The following ELOVL7 variants were observed in gnomAD, a reference collection of about 807,000 sequenced individuals.
ELOVL7 encodes the protein ELOVL fatty acid elongase 7.
ELOVL7 carries 27 observed loss-of-function variants against 35.7 expected under a neutral mutation model. That is an observed-to-expected ratio of 0.76 (90% CI 0.56 to 1.04). The LOEUF is 1.04. Among genes scored for constraint, ELOVL7 ranks in the 50% least tolerant of loss-of-function variants. The pLI is 0.00. For synonymous variants in ELOVL7, 113 were observed against 114.6 expected (o/e 0.99, Z 0.09); for missense variants, 327 against 340.8 (o/e 0.96, Z 0.32).
intron 3 of ELOVL7, chr5:60,786,062 G>A (rs946221763): frequency 6.6e-6 from 1 of 152,152 alleles, no homozygotes; most frequent in South Asian, 2.1e-4. Flanking sequence ...CTAAAGTAGT[G>A]ATGGTGGTGA....
intron 4 of ELOVL7, chr5:60,768,584 A>G (rs897099980): frequency 2.4e-6 from 1 of 419,368 alleles, no homozygotes; most frequent in Non-Finnish European, 4.8e-6. Context: ...TGATGTGACA[A>G]GAAAGAGCCT....
At chr5:60,776,407 T>TGCC (rs1742906479) in intron 3 of ELOVL7, among the ~76,000 whole-genome samples, 1 of 152,050 alleles carries the variant, frequency 6.6e-6, no homozygotes, top group South Asian at 2.1e-4. Context: ...ATGCCAAAAA[T>TGCC]ATACATACAC....
chr5:60,833,786 C>T (rs925633956), intron 1 of ELOVL7, among the ~76,000 whole-genome samples: 1 of 152,246 alleles, frequency 6.6e-6, no homozygotes, highest in African/African-American at 2.4e-5. Flanking sequence ...CCTTCTAGGG[C>T]TTCTGTGAGG....
intron 1 of ELOVL7, among the ~76,000 whole-genome samples, chr5:60,811,225 A>G (rs774521705): frequency 6.6e-6 from 1 of 152,182 alleles, no homozygotes; most frequent in Non-Finnish European, 1.5e-5. Flanking sequence ...AACTATGAAC[A>G]TTCATACCTA....
intron 4 of ELOVL7, among the ~76,000 whole-genome samples, chr5:60,769,840 A>G (rs1305435791): frequency 2.0e-5 from 3 of 152,156 alleles, no homozygotes; most frequent in Non-Finnish European, 4.4e-5. Context: ...ACTAGAGTCT[A>G]GGAGTTTGAG....
intron 3 of ELOVL7, among the ~76,000 whole-genome samples, chr5:60,784,496 A>AT (rs1189469049): frequency 2.6e-5 from 4 of 152,130 alleles, no homozygotes; most frequent in Admixed American, 6.6e-5. Flanking sequence ...TAATTAAACC[A>AT]TTTTTTCTTC....
intron 1 of ELOVL7, among the ~76,000 whole-genome samples, chr5:60,806,985 T>C (rs1303326919): frequency 6.6e-6 from 1 of 152,196 alleles, no homozygotes; most frequent in East Asian, 1.9e-4. Context: ...ATGTTCTAAA[T>C]TGCAAAACGC....
At chr5:60,793,601 C>T (rs1341892031) in intron 2 of ELOVL7, among the ~76,000 whole-genome samples, 1 of 152,128 alleles carries the variant, frequency 6.6e-6, no homozygotes, top group Non-Finnish European at 1.5e-5. Flanking sequence ...AATGTCTTAT[C>T]CTGCTGCTAA....
intron 2 of ELOVL7, among the ~76,000 whole-genome samples, chr5:60,798,426 C>G (rs2112275706): frequency 6.6e-6 from 1 of 152,230 alleles, no homozygotes; most frequent in African/African-American, 2.4e-5. Flanking sequence ...CTCCCAATTA[C>G]CTTGATACTA....
At chr5:60,798,011 C>T (rs961103183) in intron 2 of ELOVL7, among the ~76,000 whole-genome samples, 9 of 152,188 alleles carry the variant, frequency 5.9e-5, no homozygotes, top group African/African-American at 1.9e-4. Context: ...CTCCCTGCTT[C>T]GAGTCTTCCT....
chr5:60,836,451 A>T (rs1662779901), intron 1 of ELOVL7, among the ~76,000 whole-genome samples: 1 of 152,078 alleles, frequency 6.6e-6, no homozygotes, highest in African/African-American at 2.4e-5. Context: ...TAACTGAATG[A>T]TAAGCAGCAA....
chr5:60,773,539 C>G (rs1742725776), intron 3 of ELOVL7, among the ~76,000 whole-genome samples: 1 of 152,140 alleles, frequency 6.6e-6, no homozygotes, highest in African/African-American at 2.4e-5. Context: ...CTCAAAAATA[C>G]TGGCAGAGGC....
chr5:60,802,015 A>G (rs1448256654), intron 1 of ELOVL7, among the ~76,000 whole-genome samples: 1 of 131,864 alleles, frequency 7.6e-6, no homozygotes, highest in East Asian at 2.2e-4. Flanking sequence ...CAGATGGCCT[A>G]TTGTTGAGAC....
At chr5:60,791,700 T>C (rs16878426) in intron 2 of ELOVL7, among the ~76,000 whole-genome samples, 1,996 of 152,272 alleles carry the variant, frequency 0.013, 21 homozygotes, top group Non-Finnish European at 0.021. Context: ...CTTCCAATTG[T>C]CTTAGTATGA....
In ELOVL7 at chr5:60,752,988, A is replaced by T. The variant is rs545908072; in HGVS notation, c.*1636T>A. 6.6e-6 allele frequency: 1 copy of T among 151,930 alleles called. No homozygotes were observed. The highest frequency in any genetic ancestry group is 2.4e-5 in the African/African-American group (1 of 41,400). The allele number at this position is 151,930 out of a possible 1,614,324, so 9.4% of individuals were successfully genotyped here. ...TATATATATATATGTAATTACTCCC[A>T]TTTATCAACCTTTACCTTCTCATGC... is the stretch of plus-strand genomic sequence containing the variant. On this transcript the variant is annotated 3_prime_UTR_variant, in exon 9 of 9. Coordinates refer to ENST00000508821, the MANE Select transcript of ELOVL7 (RefSeq NM_024930.3).
chr5:60,757,500 A>T lies in ELOVL7; in HGVS notation c.636+9T>A. ...TCATATATGGTTTTAAAGACAATTA[A>T]TTACTCACAAGCTGTAATGATGTCA... On this transcript the variant is annotated intron_variant, in intron 8 of 8. Transcript: ENST00000508821. The T allele has an allele frequency of 6.2e-7, 1 of 1,612,692 alleles. No homozygotes were observed. Among genetic ancestry groups the T allele is most frequent in the Middle Eastern group, 1.7e-4 (1 of 6,056 alleles).
intron 4 of ELOVL7, among the ~76,000 whole-genome samples, chr5:60,769,265 C>T (rs1440563601): frequency 1.3e-5 from 2 of 152,150 alleles, no homozygotes; most frequent in African/African-American, 2.4e-5. Context: ...AGTGAGTGTC[C>T]TCATATTCTC....
rs1251147483 is a variant in ELOVL7, at chr5:60,752,513, T to C, written c.*2111A>G. ...GTGTGATTTCTAACAGCACCTAGCA[T>C]ACCTTCTCATTTTAGCACAGGTTAG... On this transcript the variant is annotated 3_prime_UTR_variant, in exon 9 of 9. Coordinates refer to ENST00000508821, the MANE Select transcript of ELOVL7 (RefSeq NM_024930.3). The C allele has an allele frequency of 6.6e-6, 1 of 152,632 alleles. No homozygotes were observed. The highest frequency in any genetic ancestry group is 1.5e-5 in the Non-Finnish European group (1 of 68,038). The allele number at this position is 152,632 out of a possible 1,614,324, so 9.5% of individuals were successfully genotyped here. A position where few individuals can be genotyped will look rare whatever the true frequency, so the allele number is the denominator to read the frequency against.
At chr5:60,794,752 G>T (rs929109111) in intron 2 of ELOVL7, among the ~76,000 whole-genome samples, 2 of 152,146 alleles carry the variant, frequency 1.3e-5, no homozygotes, top group Non-Finnish European at 2.9e-5. Flanking sequence ...ACTGATCTCT[G>T]CTTTAGGAAT....
Sources: allele counts gnomAD v4.1 joint callset (sites outside exome capture counted in the v4.1 genomes callset), GRCh38; gene constraint gnomAD v4.1.1; transcripts MANE v1.5; gene names NCBI Gene and HGNC (gene_info 2026-07-23, HGNC 2026-07-21).